CD81: variants seen among roughly 807,000 people sequenced by gnomAD.
The protein encoded by CD81 is CD81 antigen.
Under a neutral mutation model 30.1 loss-of-function variants are expected in CD81, and 10 were observed. That is an observed-to-expected ratio of 0.33 (90% CI 0.21 to 0.56). The LOEUF is 0.56. Ranked by LOEUF, CD81 falls within the 20% of genes least tolerant of loss-of-function variation. CD81 has a pLI of 0.89. For missense variants in CD81, 263 were observed against 308.7 expected, an observed-to-expected ratio of 0.85 and a Z score of 1.11; for synonymous variants, 147 against 126.4, an observed-to-expected ratio of 1.16 and a Z score of -1.10.
At chr11:2,382,308 CCT>C (rs1462584910) in intron 1 of CD81, among the ~76,000 whole-genome samples, 1 of 152,218 alleles carries the variant, frequency 6.6e-6, no homozygotes, top group African/African-American at 2.4e-5. Flanking sequence ...CTTGTAAGCG[CCT>C]CTCTCCAGGA....
chr11:2,383,114 C>T (rs536922485), intron 1 of CD81, among the ~76,000 whole-genome samples: 1 of 152,328 alleles, frequency 6.6e-6, no homozygotes, highest in Admixed American at 6.5e-5. Context: ...AGCATCCTCG[C>T]CTGACACCTA....
At chr11:2,395,156 C>T (rs534051845) in intron 4 of CD81, 110 bp downstream of exon 4, 2 of 923,076 alleles carry the variant, frequency 2.2e-6, no homozygotes, top group South Asian at 2.7e-5. Flanking sequence ...TCTTTGGGCT[C>T]TTCCTGGGTC....
intron 4 of CD81, 85 bp downstream of exon 4, chr11:2,395,131 A>G: frequency 8.5e-7 from 1 of 1,175,008 alleles, no homozygotes; most frequent in South Asian, 1.2e-5. Flanking sequence ...GGGCTGACTC[A>G]TGGCTTGTGG....
intron 1 of CD81, among the ~76,000 whole-genome samples, chr11:2,380,736 C>T (rs966398894): frequency 6.6e-6 from 1 of 152,192 alleles, no homozygotes; most frequent in African/African-American, 2.4e-5. Flanking sequence ...GGACAGGGAA[C>T]TGGCCTGTGG....
chr11:2,385,749 G>T (rs1022747970), intron 1 of CD81: 1 of 507,794 alleles, frequency 2.0e-6, no homozygotes, highest in South Asian at 1.6e-5. Context: ...TTATTGCCGG[G>T]CAGGGTTGCA....
At position 2,377,543 on chromosome 11, in the gene CD81, C is replaced by A; in HGVS notation, c.-7C>A. 7.1e-7 allele frequency: 1 copy of A among 1,408,872 alleles called. No homozygotes were observed. 87.3% of individuals were successfully genotyped at this position (1,408,872 alleles called of 1,614,324 possible). ...CGCCCCGCAGGCCGCCCGCCGCCCGCGCCGCCATGGGAGTGGAGGGCTGCA... is the reference window on the plus strand; with the variant it reads ...CGCCCCGCAGGCCGCCCGCCGCCCGAGCCGCCATGGGAGTGGAGGGCTGCA... On this transcript the variant is annotated 5_prime_UTR_variant, in exon 1 of 8. Coordinates refer to ENST00000263645, the MANE Select transcript of CD81 (RefSeq NM_004356.4). The surrounding 1 kb of genome is among the most constrained non-coding windows in gnomAD (Gnocchi z 7.7).
chr11:2,393,608 A>C, intron 2 of CD81: 2 of 493,672 alleles, frequency 4.1e-6, no homozygotes, highest in East Asian at 3.5e-5. Flanking sequence ...CTGGGGAGGC[A>C]GCATTGGTTC....
intron 1 of CD81, among the ~76,000 whole-genome samples, chr11:2,389,544 G>T (rs1367322273): frequency 6.6e-6 from 1 of 152,064 alleles, no homozygotes; most frequent in African/African-American, 2.4e-5. Context: ...AGAGTTGATT[G>T]TGTGCACACC....
chr11:2,379,534 G>T (rs1849669127), intron 1 of CD81, among the ~76,000 whole-genome samples: 1 of 151,882 alleles, frequency 6.6e-6, no homozygotes, highest in African/African-American at 2.4e-5. Context: ...GTCACGGGAG[G>T]GGACTTCTCC....
chr11:2,397,045 G>A lies in CD81; in HGVS notation c.*179G>A. The stretch of plus-strand genomic sequence containing the variant: ...ACTTTCCTGTTACCTTTTCAGGGCT[G>A]ACGTCACATGTAGGTGGCGTGTATG... On this transcript the variant is annotated 3_prime_UTR_variant, in exon 8 of 8. Transcript: ENST00000263645. 1.5e-6 allele frequency: 1 copy of A among 667,984 alleles called. No individual in the cohort carries two copies. Among genetic ancestry groups the A allele is most frequent in the Non-Finnish European group, 2.7e-6 (1 of 376,304 alleles). 41.4% of individuals were successfully genotyped at this position (667,984 alleles called of 1,614,324 possible).
chr11:2,396,547 G>A, intron 6 of CD81, 81 bp from the exon 7 acceptor site: 1 of 1,199,214 alleles, frequency 8.3e-7, no homozygotes, highest in Non-Finnish European at 1.2e-6. Flanking sequence ...TTTCTGTGGT[G>A]ACCACGGATT....
intron 1 of CD81, among the ~76,000 whole-genome samples, chr11:2,381,066 AG>A (rs1358523389): frequency 6.6e-6 from 1 of 152,010 alleles, no homozygotes; most frequent in Non-Finnish European, 1.5e-5. Context: ...GCTGTGGGGG[AG>A]GGGGCTAGGA....
chr11:2,388,781 T>A (rs1849842668), intron 1 of CD81, among the ~76,000 whole-genome samples: 1 of 152,110 alleles, frequency 6.6e-6, no homozygotes, highest in South Asian at 2.1e-4. Flanking sequence ...CCTGTCCCCC[T>A]GCCTCCTCCT....
intron 1 of CD81, among the ~76,000 whole-genome samples, chr11:2,382,090 A>AG (rs143942002): frequency 0.03 from 4,566 of 152,280 alleles, 246 homozygotes; most frequent in African/African-American, 0.1. Context: ...CCCCTCAGGC[A>AG]GGGGGCCACG....
intron 1 of CD81, chr11:2,390,161 T>G (rs1243357813): frequency 5.0e-6 from 3 of 601,330 alleles, no homozygotes; most frequent in Non-Finnish European, 9.0e-6. Flanking sequence ...CTGGCAGTCC[T>G]GCCCTGGAGT....
intron 1 of CD81, among the ~76,000 whole-genome samples, chr11:2,388,045 A>G (rs770725272): frequency 7.9e-5 from 12 of 152,030 alleles, no homozygotes; most frequent in Non-Finnish European, 1.2e-4. Flanking sequence ...AGCAGCCCCT[A>G]TGAGGCTTAT....
chr11:2,381,011 G>C (rs573272271), intron 1 of CD81, among the ~76,000 whole-genome samples: 2 of 152,234 alleles, frequency 1.3e-5, no homozygotes, highest in Non-Finnish European at 2.9e-5. Flanking sequence ...CATTTGGCAC[G>C]TCTTTCGCCG....
intron 1 of CD81, among the ~76,000 whole-genome samples, chr11:2,387,242 G>A (rs968421191): frequency 2.6e-5 from 4 of 152,208 alleles, no homozygotes; most frequent in Non-Finnish European, 5.9e-5. Flanking sequence ...CTGAGGAACC[G>A]GGAGCCTGGG....
chr11:2,390,156 A>T (rs1028825400), intron 1 of CD81: 1 of 593,274 alleles, frequency 1.7e-6, no homozygotes, highest in African/African-American at 1.9e-5. Flanking sequence ...TCTTCCTGGC[A>T]GTCCTGCCCT....
Sources: gnomAD v4.1 joint callset for allele counts (sites outside exome capture counted in the v4.1 genomes callset) on GRCh38, gnomAD v4.1.1 for gene constraint, Gnocchi (gnomAD v3.1) non-coding constraint, MANE v1.5 for transcripts, NCBI Gene and HGNC (gene_info 2026-07-23, HGNC 2026-07-21) for gene names.